Variants in GNAS observed in about 807,000 individuals in gnomAD.
GNAS encodes protein ALEX.
A neutral mutation model predicts 54.5 loss-of-function variants in GNAS; 8 were observed. That is an observed-to-expected ratio of 0.15 (90% CI 0.09 to 0.26). The LOEUF is 0.26. Ranked by LOEUF, GNAS falls within the 10% of genes least tolerant of loss-of-function variation. The pLI, the probability that GNAS is intolerant of heterozygous loss-of-function variation, is 1.00. For missense variants in GNAS, 170 were observed against 529.8 expected, an observed-to-expected ratio of 0.32 and a Z score of 6.67; for synonymous variants, 204 against 191.4, an observed-to-expected ratio of 1.07 and a Z score of -0.54.
At chr20:58,842,049 A>T (rs1045601795) in intron 1 of GNAS, 19 of 517,748 alleles carry the variant, frequency 3.7e-5, no homozygotes, top group Non-Finnish European at 5.1e-5. Flanking sequence ...CGGCTCCGGC[A>T]GCCTTGGGGA....
chr20:58,895,392 TTTG>T (rs1238279202), intron 1 of GNAS: 1 of 551,096 alleles, frequency 1.8e-6, no homozygotes, highest in Non-Finnish European at 3.3e-6. Context: ...TAAATTCTTG[TTTG>T]TTATTTGGAT....
At chr20:58,854,044 CCTCGAGTGCGGT>C (rs2086306161) in intron 1 of GNAS, 1 of 1,610,904 alleles carries the variant, frequency 6.2e-7, no homozygotes, top group Non-Finnish European at 8.5e-7. Context: ...GCAGTCGCGG[CCTCGAGTGCGGT>C]CCGCCTCACT....
At chr20:58,885,512 A>G (rs2088533409) in intron 1 of GNAS, among the ~76,000 whole-genome samples, 1 of 152,252 alleles carries the variant, frequency 6.6e-6, no homozygotes, top group Non-Finnish European at 1.5e-5. Flanking sequence ...TTAATTCTTC[A>G]GTAATTGACT....
chr20:58,870,951 T>TC (rs1432334423), intron 1 of GNAS, among the ~76,000 whole-genome samples: 1 of 152,164 alleles, frequency 6.6e-6, no homozygotes, highest in Non-Finnish European at 1.5e-5. Context: ...GATCATTATC[T>TC]CCCCCTGTTC....
chr20:58,890,127 A>C (rs1413050584), upstream of GNAS, among the ~76,000 whole-genome samples: 2 of 151,846 alleles, frequency 1.3e-5, no homozygotes, highest in African/African-American at 2.4e-5. Context: ...GCTCGAGAAG[A>C]AGCTGCTGGA....
upstream of GNAS, among the ~76,000 whole-genome samples, chr20:58,890,181 A>C (rs2089015894): frequency 6.6e-6 from 1 of 151,660 alleles, no homozygotes; most frequent in Admixed American, 6.6e-5. Context: ...GGAGAGGAAG[A>C]AGATGGAGAA....
chr20:58,899,688 C>T lies in GNAS; in HGVS notation c.257+703C>T, dbSNP rs2090427509. Among the ~76,000 whole-genome samples the T allele has an allele frequency of 2.0e-5, 3 of 151,568 alleles. No individual in the cohort carries two copies. The South Asian group carries it at 6.3e-4, about 32-fold the overall frequency. ...ACGCACACACATGCACATGCATACA[C>T]AGACACGCACACACATCACACGCAC... On this transcript the variant is annotated intron_variant, in intron 3 of 12. Coordinates refer to ENST00000371085, the MANE Select transcript of GNAS (RefSeq NM_000516.7).
At chr20:58,842,634 T>G (rs556845572) in intron 1 of GNAS, 1 of 397,134 alleles carries the variant, frequency 2.5e-6, no homozygotes, top group South Asian at 1.4e-4. Context: ...GCGGAAGGGC[T>G]AGGCGTGCCC....
chr20:58,840,298 C>T, upstream of GNAS: 1 of 1,612,704 alleles, frequency 6.2e-7, no homozygotes, highest in Non-Finnish European at 8.5e-7. The surrounding 1 kb of genome is among the most constrained non-coding windows in gnomAD (Gnocchi z 6.0). Context: ...GCCGGAGCTT[C>T]CTTAACGCCC....
chr20:58,842,257 C>G, intron 1 of GNAS: 1 of 398,336 alleles, frequency 2.5e-6, no homozygotes. Flanking sequence ...TTTAAAAAAT[C>G]TCATCCGACT....
At chr20:58,896,221 GT>G (rs911144916) in intron 2 of GNAS, among the ~76,000 whole-genome samples, 1 of 99,666 alleles carries the variant, frequency 1.0e-5, no homozygotes, top group African/African-American at 3.5e-5. Flanking sequence ...CGTGTTTACA[GT>G]TTCTCATTTT....
At chr20:58,868,139 G>A (rs771553862) in intron 1 of GNAS, among the ~76,000 whole-genome samples, 1 of 151,520 alleles carries the variant, frequency 6.6e-6, no homozygotes, top group Non-Finnish European at 1.5e-5. Context: ...TCCTGCCTCA[G>A]CTTCCTGAGT....
chr20:58,870,473 G>A (rs1157067446), intron 1 of GNAS, among the ~76,000 whole-genome samples: 1 of 152,222 alleles, frequency 6.6e-6, no homozygotes, highest in African/African-American at 2.4e-5. Flanking sequence ...GAGGTCAGCA[G>A]AGAGCTCAGA....
chr20:58,901,652 G>C (rs1390913313), intron 3 of GNAS, among the ~76,000 whole-genome samples: 1 of 151,530 alleles, frequency 6.6e-6, no homozygotes, highest in South Asian at 2.1e-4. Flanking sequence ...GTGGTGCAGT[G>C]ACCTGTGAAA....
In GNAS at chr20:58,903,466, T is replaced by C. The variant is rs942506133; in HGVS notation, c.258-65T>C. ...ATGCTTTTTAGTCGGGATGTCTTTA[T>C]GAAAGCAGTACTCCTAACTGACATG... On this transcript the variant is annotated intron_variant, in intron 3 of 12. Coordinates refer to ENST00000371085, the MANE Select transcript of GNAS (RefSeq NM_000516.7). 12 of 1,302,578 alleles carry C rather than the reference T, an allele frequency of 9.2e-6. No individual in the cohort carries two copies. In the African/African-American group the frequency reaches 1.7e-4, roughly 19 times the overall value. The allele number at this position is 1,302,578 out of a possible 1,614,324, so 80.7% of individuals were successfully genotyped here.
upstream of GNAS, chr20:58,889,411 G>T: frequency 1.0e-6 from 1 of 979,708 alleles, no homozygotes; most frequent in Non-Finnish European, 1.2e-6. Context: ...GCGCAGGCAA[G>T]AGCCGCCGGG....
chr20:58,871,149 ATTG>A (rs2087419345), intron 1 of GNAS, among the ~76,000 whole-genome samples: 1 of 152,208 alleles, frequency 6.6e-6, no homozygotes, highest in Admixed American at 6.5e-5. Flanking sequence ...CAGGGAAAGA[ATTG>A]AGGTTCCCTC....
At chr20:58,875,980 G>GC (rs1212339567) in intron 1 of GNAS, among the ~76,000 whole-genome samples, 1 of 152,046 alleles carries the variant, frequency 6.6e-6, no homozygotes, top group Non-Finnish European at 1.5e-5. Context: ...TACATAAACA[G>GC]CCCCCCCAAC....
rs183938343 is a variant in GNAS, at chr20:58,910,474, C to T, written c.1038+73C>T. 1.2e-3 allele frequency: 1,597 copies of T among 1,303,794 alleles called. 3 individuals are homozygous for T. Among genetic ancestry groups the T allele is most frequent in the Non-Finnish European group, 1.5e-3 (1,362 of 899,078 alleles). The allele number at this position is 1,303,794 out of a possible 1,614,324, so 80.8% of individuals were successfully genotyped here. A position where few individuals can be genotyped will look rare whatever the true frequency, so the allele number is the denominator to read the frequency against. ...CTCATGGATGTAAATTTACTTAATTCCAAATTCAGGGGTTCAGCTACCCAG... is the reference window on the plus strand; with the variant it reads ...CTCATGGATGTAAATTTACTTAATTTCAAATTCAGGGGTTCAGCTACCCAG... On this transcript the variant is annotated intron_variant, in intron 12 of 12. Transcript: ENST00000371085. The surrounding 1 kb of genome is among the most constrained non-coding windows in gnomAD (Gnocchi z 5.8).
Sources: allele counts gnomAD v4.1 joint callset (sites outside exome capture counted in the v4.1 genomes callset), GRCh38; gene constraint gnomAD v4.1.1; non-coding constraint Gnocchi (gnomAD v3.1); transcripts MANE v1.5; gene names NCBI Gene and HGNC (gene_info 2026-07-23, HGNC 2026-07-21).